The following ZC3H7A variants were observed in gnomAD, a reference collection of about 807,000 sequenced individuals.
The protein encoded by ZC3H7A is zinc finger CCCH domain-containing protein 7A.
In ZC3H7A, 44 loss-of-function variants were observed where a neutral mutation model predicts 125.5. The observed-to-expected ratio is 0.35, with a 90% confidence interval of 0.28 to 0.45. The LOEUF is 0.45. ZC3H7A is among the 20% of genes least tolerant of loss of function. The pLI is 1.00. For missense variants in ZC3H7A, 977 were observed against 1,170.7 expected, an observed-to-expected ratio of 0.83 and a Z score of 2.41; for synonymous variants, 399 against 391.2, an observed-to-expected ratio of 1.02 and a Z score of -0.23.
intron 1 of ZC3H7A, chr16:11,796,244 C>T (rs1158848668): frequency 6.6e-6 from 1 of 152,214 alleles, no homozygotes; most frequent in African/African-American, 2.4e-5. Flanking sequence ...CTTTCTTTCT[C>T]ATCCGAAGTT....
intron 21 of ZC3H7A, among the ~76,000 whole-genome samples, chr16:11,755,587 T>C (rs527636056): frequency 1.3e-5 from 2 of 152,214 alleles, no homozygotes; most frequent in Admixed American, 1.3e-4. Flanking sequence ...TGCTGGGGCC[T>C]CCCACTAGGG....
At chr16:11,796,341 G>GTC (rs2053436021) in intron 1 of ZC3H7A, 1 of 152,242 alleles carries the variant, frequency 6.6e-6, no homozygotes, top group Non-Finnish European at 1.5e-5. Flanking sequence ...ACGGCGGGGG[G>GTC]TCAGTGGCCA....
intron 1 of ZC3H7A, among the ~76,000 whole-genome samples, chr16:11,791,515 C>T (rs975796683): frequency 6.6e-6 from 1 of 152,226 alleles, no homozygotes; most frequent in African/African-American, 2.4e-5. Flanking sequence ...CCTGCTACTT[C>T]TCATGCTTCA....
At chr16:11,790,346 G>C (rs1407301308) in intron 1 of ZC3H7A, among the ~76,000 whole-genome samples, 1 of 152,140 alleles carries the variant, frequency 6.6e-6, no homozygotes, top group Admixed American at 6.5e-5. Flanking sequence ...AGAATCATCT[G>C]TACTTCCTTG....
At chr16:11,775,448 A>T (rs1193625776) in intron 7 of ZC3H7A, 1 of 156,806 alleles carries the variant, frequency 6.4e-6, no homozygotes, top group East Asian at 1.9e-4. Flanking sequence ...TTCAACTCCC[A>T]ATTAAGATCC....
At chr16:11,752,323 T>C (rs1041368793) in intron 22 of ZC3H7A, among the ~76,000 whole-genome samples, 3 of 152,244 alleles carry the variant, frequency 2.0e-5, no homozygotes, top group Admixed American at 6.5e-5. Context: ...CTGATGAACA[T>C]TTACTGTGAG....
At chr16:11,760,122 G>GAAAAAAAAAAAAAAAAAAAAA (rs66812605) in intron 19 of ZC3H7A, among the ~76,000 whole-genome samples, 9 of 82,546 alleles carry the variant, frequency 1.1e-4, no homozygotes, top group Admixed American at 3.3e-4. Context: ...AAGAAAAAAT[G>GAAAAAAAAAAAAAAAAAAAAA]AAAAAAAAAA....
intron 19 of ZC3H7A, among the ~76,000 whole-genome samples, chr16:11,760,467 G>C (rs1202878947): frequency 6.6e-6 from 1 of 152,162 alleles, no homozygotes; most frequent in Admixed American, 6.5e-5. Context: ...GCCTTGAAAA[G>C]GCTGGCTGTG....
intron 22 of ZC3H7A, 31 bp downstream of exon 22, chr16:11,752,638 T>C (rs1270937709): frequency 6.3e-7 from 1 of 1,588,020 alleles, no homozygotes; most frequent in Non-Finnish European, 8.6e-7. Flanking sequence ...TCAGCAATTC[T>C]GACATGGAAA....
In ZC3H7A at chr16:11,758,348, T is replaced by G. The variant is rs752879283; in HGVS notation, c.2428+83A>C. ...TTAGAATGCAAACTGCTTTCTGTGT[T>G]CACAGGAAGCTGGCATATTTATAGA... On this transcript the variant is annotated intron_variant, in intron 20 of 22. Coordinates refer to ENST00000355758, the MANE Select transcript of ZC3H7A (RefSeq NM_014153.4). 85 of 1,015,562 alleles carry G rather than the reference T, an allele frequency of 8.4e-5. No individual in the cohort carries two copies. In the East Asian group the frequency reaches 1.5e-3, roughly 18 times the overall value. The allele number at this position is 1,015,562 out of a possible 1,614,324, so 62.9% of individuals were successfully genotyped here. A position where few individuals can be genotyped will look rare whatever the true frequency, so the allele number is the denominator to read the frequency against.
rs1335188881 is a variant in ZC3H7A, at chr16:11,752,598, G to A, written c.2726+71C>T. The A allele has an allele frequency of 9.7e-6, 15 of 1,542,318 alleles. No homozygotes were observed. In the East Asian group the frequency reaches 3.2e-4, roughly 33 times the overall value. On this transcript the variant is annotated intron_variant, in intron 22 of 22. Coordinates refer to ENST00000355758, the MANE Select transcript of ZC3H7A (RefSeq NM_014153.4). Reference sequence around the variant, plus strand: ...GAACTTTAACACCCAGGTATTCCGTGTCAGCTGACATGTCCATGAAAATTT... The same window carrying A: ...GAACTTTAACACCCAGGTATTCCGTATCAGCTGACATGTCCATGAAAATTT...
intron 1 of ZC3H7A, among the ~76,000 whole-genome samples, chr16:11,794,441 TCTCTC>T (rs1383902027): frequency 2.0e-5 from 3 of 152,236 alleles, no homozygotes. Context: ...CTTTAATACT[TCTCTC>T]CTCCTTAAAA....
At chr16:11,779,963 T>A (rs1462908212) in intron 3 of ZC3H7A, among the ~76,000 whole-genome samples, 2 of 152,142 alleles carry the variant, frequency 1.3e-5, no homozygotes, top group South Asian at 2.1e-4. Flanking sequence ...CCCTTGTATT[T>A]CTTTTTCTGT....
Position 11,779,369 on chromosome 16 carries a change from A to T in ZC3H7A, c.109-6T>A. On this transcript the variant is annotated splice_polypyrimidine_tract_variant and splice_region_variant and intron_variant, in intron 3 of 22. Coordinates refer to ENST00000355758, the MANE Select transcript of ZC3H7A (RefSeq NM_014153.4). Reference sequence around the variant, plus strand: ...ACGAGAGCACGCAAATATACCTAAAAAAAAGAAAGTTACCACTTGAAGCCT... The same window carrying T: ...ACGAGAGCACGCAAATATACCTAAATAAAAGAAAGTTACCACTTGAAGCCT... The T allele has an allele frequency of 1.9e-6, 3 of 1,604,480 alleles. No individual in the cohort carries two copies. Among genetic ancestry groups the T allele is most frequent in the Non-Finnish European group, 2.5e-6 (3 of 1,177,550 alleles).
chr16:11,753,069 G>C, intron 21 of ZC3H7A: 2 of 461,398 alleles, frequency 4.3e-6, no homozygotes, highest in Non-Finnish European at 7.7e-6. Context: ...ATAGGAGCTG[G>C]TATGCAAACA....
intron 1 of ZC3H7A, among the ~76,000 whole-genome samples, chr16:11,784,425 T>A (rs1596402222): frequency 6.6e-6 from 1 of 152,164 alleles, no homozygotes; most frequent in Non-Finnish European, 1.5e-5. Flanking sequence ...AAAGATTTTT[T>A]AAATTAACTC....
intron 4 of ZC3H7A, 31 bp from the exon 5 acceptor site, chr16:11,776,940 C>A: frequency 1.3e-6 from 2 of 1,517,062 alleles, no homozygotes; most frequent in Admixed American, 2.2e-5. Context: ...ATAAAGTCAG[C>A]AATCAAACAA....
Position 11,776,432 on chromosome 16 carries a change from T to C in ZC3H7A, c.546+20A>G, listed in dbSNP as rs377207336. On this transcript the variant is annotated intron_variant, in intron 6 of 22. Transcript: ENST00000355758. ...TCTAAAACAAAATGAAAACACCTTATGCAGAGAACTCCAGCTTACCTCAGC... is the reference window on the plus strand; with the variant it reads ...TCTAAAACAAAATGAAAACACCTTACGCAGAGAACTCCAGCTTACCTCAGC... 13 of 1,605,588 alleles carry C rather than the reference T, an allele frequency of 8.1e-6. No homozygotes were observed. The South Asian group carries it at 1.4e-4, about 17-fold the overall frequency.
At chr16:11,779,497 G>A in intron 3 of ZC3H7A, 134 bp from the exon 4 acceptor site, 1 of 751,962 alleles carries the variant, frequency 1.3e-6, no homozygotes, top group South Asian at 2.0e-5. Context: ...GAAATTGTGA[G>A]ATGCAGCCCA....
Sources: allele counts gnomAD v4.1 joint callset (sites outside exome capture counted in the v4.1 genomes callset), GRCh38; gene constraint gnomAD v4.1.1; transcripts MANE v1.5; gene names NCBI Gene and HGNC (gene_info 2026-07-23, HGNC 2026-07-21).